STPG2: variants seen among roughly 807,000 people sequenced by gnomAD.
STPG2 encodes sperm tail PG-rich repeat containing 2.
A neutral mutation model predicts 54.2 loss-of-function variants in STPG2; 56 were observed. The observed-to-expected ratio is 1.03, with a 90% CI of 0.83 to 1.29. STPG2 has a LOEUF of 1.29. STPG2 is among the 50% of genes most tolerant of loss of function. STPG2 has a pLI of 0.00. For synonymous variants in STPG2, 200 were observed against 181.8 expected (o/e 1.10, Z -0.81); for missense variants, 596 against 544.9 (o/e 1.09, Z -0.93).
intron 10 of STPG2, among the ~76,000 whole-genome samples, chr4:97,651,158 T>G (rs979192787): frequency 5.3e-5 from 8 of 152,134 alleles, no homozygotes; most frequent in Admixed American, 2.0e-4. Flanking sequence ...ATCATTTCAA[T>G]TTTTAAACCC....
chr4:97,855,689 T>G (rs140228318), intron 8 of STPG2, among the ~76,000 whole-genome samples: 302 of 152,308 alleles, frequency 2.0e-3, no homozygotes, highest in African/African-American at 7.0e-3. Flanking sequence ...ATTTGTCAGT[T>G]TTGGCTTTTG....
chr4:97,544,278 C>T (rs919239377), intron 4 of STPG2, among the ~76,000 whole-genome samples: 3 of 151,950 alleles, frequency 2.0e-5, no homozygotes, highest in Admixed American at 6.6e-5. Flanking sequence ...ATTCAGATAG[C>T]GGTGCCACTG....
At chr4:97,868,798 A>T (rs1397008298) in intron 8 of STPG2, among the ~76,000 whole-genome samples, 1 of 151,788 alleles carries the variant, frequency 6.6e-6, no homozygotes, top group Non-Finnish European at 1.5e-5. Context: ...ACAGTGTCAA[A>T]CCATGTGTTT....
intron 4 of STPG2, among the ~76,000 whole-genome samples, chr4:97,538,598 G>A (rs1242289173): frequency 2.6e-5 from 4 of 152,158 alleles, no homozygotes; most frequent in African/African-American, 4.8e-5. Flanking sequence ...GGAGAATGGA[G>A]CCAAGTTGGA....
At chr4:97,774,037 G>A (rs947349932) in intron 9 of STPG2, among the ~76,000 whole-genome samples, 21 of 150,078 alleles carry the variant, frequency 1.4e-4, no homozygotes, top group African/African-American at 4.9e-4. Context: ...CAGAAAGACT[G>A]CAATAAATGC....
chr4:97,693,127 T>G (rs1204107896), intron 10 of STPG2, among the ~76,000 whole-genome samples: 1 of 119,894 alleles, frequency 8.3e-6, no homozygotes, highest in African/African-American at 3.5e-5. Flanking sequence ...AATAAAACAA[T>G]AACAATGATA....
chr4:98,042,482 T>C (rs1196204072), intron 5 of STPG2, among the ~76,000 whole-genome samples: 1 of 151,892 alleles, frequency 6.6e-6, no homozygotes, highest in Non-Finnish European at 1.5e-5. Context: ...CTCTTAACAC[T>C]GTTTTTGCTG....
At chr4:97,519,421 T>G (rs192256705) in intron 4 of STPG2, among the ~76,000 whole-genome samples, 166 of 152,044 alleles carry the variant, frequency 1.1e-3, no homozygotes, top group Non-Finnish European at 1.8e-3. Context: ...GATAGTTATG[T>G]GGAGAGATCA....
At chr4:97,862,249 A>G (rs1729578886) in intron 8 of STPG2, among the ~76,000 whole-genome samples, 1 of 151,788 alleles carries the variant, frequency 6.6e-6, no homozygotes, top group Non-Finnish European at 1.5e-5. Context: ...GGATGGAGGA[A>G]GATCTACCAA....
intron 10 of STPG2, among the ~76,000 whole-genome samples, chr4:97,711,379 C>T (rs539903403): frequency 6.6e-6 from 1 of 152,262 alleles, no homozygotes; most frequent in African/African-American, 2.4e-5. Context: ...TCCCCACTTA[C>T]AAGACTTGCC....
intron 10 of STPG2, among the ~76,000 whole-genome samples, chr4:97,613,125 G>C (rs1733771403): frequency 6.6e-6 from 1 of 151,984 alleles, no homozygotes; most frequent in Non-Finnish European, 1.5e-5. Flanking sequence ...TTAAACTCCA[G>C]AATTTTCTTT....
intron 5 of STPG2, among the ~76,000 whole-genome samples, chr4:97,987,381 T>C (rs992939209): frequency 2.0e-5 from 3 of 152,226 alleles, no homozygotes; most frequent in African/African-American, 7.2e-5. Flanking sequence ...TCTTTTTAAA[T>C]GTATGTAAAT....
chr4:97,877,385 G>A (rs898906712), intron 8 of STPG2, among the ~76,000 whole-genome samples: 3 of 152,086 alleles, frequency 2.0e-5, no homozygotes, highest in African/African-American at 7.2e-5. Flanking sequence ...CATAAATAAT[G>A]TATTAGTTCA....
chr4:97,591,104 T>C (rs954481312), intron 10 of STPG2, among the ~76,000 whole-genome samples: 2 of 152,058 alleles, frequency 1.3e-5, no homozygotes, highest in Non-Finnish European at 2.9e-5. Context: ...ACAGTAAAAA[T>C]AGTTAAAAGA....
chr4:98,092,131 T>G (rs940206578), intron 5 of STPG2, among the ~76,000 whole-genome samples: 3 of 152,090 alleles, frequency 2.0e-5, no homozygotes, highest in Admixed American at 6.5e-5. Flanking sequence ...GTTTAAGCAA[T>G]AACTAAATAT....
chr4:97,629,356 T>G (rs1307650753), intron 10 of STPG2, among the ~76,000 whole-genome samples: 1 of 152,040 alleles, frequency 6.6e-6, no homozygotes, highest in African/African-American at 2.4e-5. Flanking sequence ...AAAGTATCAC[T>G]TTTGCTACTT....
At chr4:97,724,886 A>C (rs1044773284) in intron 9 of STPG2, among the ~76,000 whole-genome samples, 1 of 152,134 alleles carries the variant, frequency 6.6e-6, no homozygotes. Context: ...AGGTATATTT[A>C]ATTTAAAAAT....
Position 97,978,031 on chromosome 4 carries a change from A to G in STPG2, c.772+3128T>C, listed in dbSNP as rs1734551060. Among the ~76,000 whole-genome samples, 3 of 152,210 alleles carry G rather than the reference A, an allele frequency of 2.0e-5. No homozygotes were observed. The South Asian group carries it at 6.2e-4, about 32-fold the overall frequency. ...GAACTGCTAGATTCTAACTAAGGAA[A>G]TTTCCAGGCTGAATTTCAAAGTGCC... On this transcript the variant is annotated intron_variant, in intron 6 of 10. Transcript: ENST00000295268.
chr4:97,777,643 G>T (rs1460935153), intron 9 of STPG2, among the ~76,000 whole-genome samples: 2 of 152,062 alleles, frequency 1.3e-5, no homozygotes, highest in African/African-American at 2.4e-5. Context: ...CTCCTTGGTT[G>T]GTTTTACAGT....
Sources: allele counts gnomAD v4.1 joint callset (sites outside exome capture counted in the v4.1 genomes callset), GRCh38; gene constraint gnomAD v4.1.1; transcripts MANE v1.5; gene names NCBI Gene and HGNC (gene_info 2026-07-23, HGNC 2026-07-21).